MAGI2: variants seen among roughly 807,000 people sequenced by gnomAD.
The protein encoded by MAGI2 is membrane associated guanylate kinase, WW and PDZ domain containing 2.
A neutral mutation model predicts 133.3 loss-of-function variants in MAGI2; 35 were observed. The ratio of observed to expected loss-of-function variants is 0.26; its 90% CI spans 0.20 to 0.35. MAGI2 has a LOEUF of 0.35. Ranked by LOEUF, MAGI2 falls within the 10% of genes least tolerant of loss-of-function variation. The pLI is 1.00. For synonymous variants in MAGI2, 729 were observed against 710.6 expected, an observed-to-expected ratio of 1.03 and a Z score of -0.41; for missense variants, 1,636 against 1,863.4, an observed-to-expected ratio of 0.88 and a Z score of 2.25.
chr7:78,869,056 A>G (rs188885249), intron 2 of MAGI2, among the ~76,000 whole-genome samples: 59 of 152,242 alleles, frequency 3.9e-4, no homozygotes, highest in African/African-American at 1.3e-3. Flanking sequence ...CCCAGCCCCA[A>G]TACATACATT....
chr7:78,326,999 T>A (rs1280817881), intron 9 of MAGI2, among the ~76,000 whole-genome samples: 1 of 152,170 alleles, frequency 6.6e-6, no homozygotes, highest in Non-Finnish European at 1.5e-5. Flanking sequence ...GTCTGGTGAA[T>A]GGTAACTGGC....
intron 1 of MAGI2, among the ~76,000 whole-genome samples, chr7:79,218,090 T>A (rs1830162740): frequency 6.6e-6 from 1 of 151,896 alleles, no homozygotes; most frequent in Admixed American, 6.6e-5. Flanking sequence ...AAAATGAAGT[T>A]CCCTGATATG....
intron 9 of MAGI2, among the ~76,000 whole-genome samples, chr7:78,265,408 T>C (rs1347733274): frequency 3.3e-5 from 5 of 152,192 alleles, no homozygotes; most frequent in Non-Finnish European, 7.3e-5. Flanking sequence ...CTTGCTCACG[T>C]TGGGAATTCA....
At chr7:78,255,881 A>G in intron 10 of MAGI2, 62 bp downstream of exon 10, 1 of 1,484,958 alleles carries the variant, frequency 6.7e-7, no homozygotes, top group Non-Finnish European at 9.3e-7. Context: ...TTTTAACAAT[A>G]TTATTAAATG....
In MAGI2 at chr7:78,617,723, T is replaced by C. The variant is rs563609519; in HGVS notation, c.538+9397A>G. 2.1e-3 allele frequency: 321 copies of C among 152,206 alleles called. 3 individuals carry two copies. The highest frequency in any genetic ancestry group is 7.1e-3 in the African/African-American group (295 of 41,564). The allele number at this position is 152,206 out of a possible 1,614,324, so 9.4% of individuals were successfully genotyped here. A position where few individuals can be genotyped will look rare whatever the true frequency, so the allele number is the denominator to read the frequency against. On this transcript the variant is annotated intron_variant, in intron 3 of 21. Coordinates refer to ENST00000354212, the MANE Select transcript of MAGI2 (RefSeq NM_012301.4). ...AATAGAGGCCTCAAAGTTTCAGATA[T>C]TGTTTTTGTGCAGTCTGAATAAAAG...
At chr7:79,341,097 A>G (rs377675652) in intron 1 of MAGI2, among the ~76,000 whole-genome samples, 231 of 152,322 alleles carry the variant, frequency 1.5e-3, no homozygotes, top group African/African-American at 5.3e-3. Flanking sequence ...CTGGAGTTAC[A>G]TAGAAGGTAA....
rs540515339 is a variant in MAGI2, at chr7:78,857,252, C to G, written c.418+149838G>C. Among the ~76,000 whole-genome samples the G allele has an allele frequency of 2.0e-5, 3 of 152,230 alleles. No homozygotes were observed. In the South Asian group the frequency reaches 6.2e-4, roughly 32 times the overall value. ...AATTGAATGCTATTTATTTCTTTCT[C>G]CTATCTGATTGCCCTGGCCATAACT... On this transcript the variant is annotated intron_variant, in intron 2 of 21. Coordinates refer to ENST00000354212, the MANE Select transcript of MAGI2 (RefSeq NM_012301.4).
intron 6 of MAGI2, among the ~76,000 whole-genome samples, chr7:78,439,207 G>C (rs11974883): frequency 0.011 from 1,713 of 152,252 alleles, 26 homozygotes; most frequent in African/African-American, 0.038. Context: ...TCATAATTTC[G>C]GAAGCTGAAG....
chr7:78,502,224 G>A (rs1298632556), intron 4 of MAGI2, among the ~76,000 whole-genome samples: 1 of 152,134 alleles, frequency 6.6e-6, no homozygotes, highest in African/African-American at 2.4e-5. Context: ...ATGATTAAAT[G>A]TAATCACAAG....
chr7:78,545,577 G>T (rs1224973074), intron 3 of MAGI2, among the ~76,000 whole-genome samples: 1 of 151,984 alleles, frequency 6.6e-6, no homozygotes, highest in Non-Finnish European at 1.5e-5. Flanking sequence ...AGACCTGAAG[G>T]GCTATCATGA....
At chr7:78,134,705 C>T in intron 17 of MAGI2, 1 of 218,308 alleles carries the variant, frequency 4.6e-6, no homozygotes, top group Non-Finnish European at 9.1e-6. Flanking sequence ...TGAATGAATT[C>T]TGACTTAATA....
intron 1 of MAGI2, among the ~76,000 whole-genome samples, chr7:79,322,779 C>CAAAA (rs57276019): frequency 7.3e-6 from 1 of 136,386 alleles, no homozygotes. Context: ...GAGACTGTCT[C>CAAAA]AAAAAAAAAA....
chr7:79,134,157 G>A (rs886640001), intron 1 of MAGI2, among the ~76,000 whole-genome samples: 14 of 152,112 alleles, frequency 9.2e-5, no homozygotes, highest in African/African-American at 3.4e-4. Context: ...AATTAAAATT[G>A]CAATACTGAC....
At chr7:79,039,363 C>T (rs575170734) in intron 1 of MAGI2, among the ~76,000 whole-genome samples, 32 of 152,010 alleles carry the variant, frequency 2.1e-4, no homozygotes, top group South Asian at 1.9e-3. Context: ...ACCCAGTGTC[C>T]GGCGTTTCTT....
chr7:78,438,228 T>G (rs966444533), intron 6 of MAGI2, among the ~76,000 whole-genome samples: 2 of 152,004 alleles, frequency 1.3e-5, no homozygotes, highest in African/African-American at 4.8e-5. Context: ...TCACAGACTT[T>G]TCCTAAAAGC....
chr7:78,100,275 G>A (rs1429699523), intron 20 of MAGI2, among the ~76,000 whole-genome samples: 1 of 152,164 alleles, frequency 6.6e-6, no homozygotes, highest in African/African-American at 2.4e-5. Context: ...CCCCACAAAA[G>A]GATTTGAAGC....
chr7:78,641,949 G>A (rs567388292), intron 2 of MAGI2, among the ~76,000 whole-genome samples: 2 of 152,182 alleles, frequency 1.3e-5, no homozygotes, highest in South Asian at 2.1e-4. Context: ...ATTGACTGAG[G>A]GCATTGCATC....
At chr7:78,547,121 G>A (rs1422818610) in intron 3 of MAGI2, among the ~76,000 whole-genome samples, 2 of 152,076 alleles carry the variant, frequency 1.3e-5, no homozygotes, top group African/African-American at 4.8e-5. Flanking sequence ...ATATAAAGAA[G>A]AGATTAACTC....
chr7:79,302,736 G>A (rs1585492441), intron 1 of MAGI2, among the ~76,000 whole-genome samples: 1 of 152,200 alleles, frequency 6.6e-6, no homozygotes, highest in African/African-American at 2.4e-5. Flanking sequence ...AGCAGGCCTG[G>A]TTAGAGGATT....
Sources: gnomAD v4.1 joint callset for allele counts (sites outside exome capture counted in the v4.1 genomes callset) on GRCh38, gnomAD v4.1.1 for gene constraint, MANE v1.5 for transcripts, NCBI Gene and HGNC (gene_info 2026-07-23, HGNC 2026-07-21) for gene names.